Variants in KHDRBS2 observed in about 807,000 individuals in gnomAD.
KHDRBS2 encodes KH domain-containing, RNA-binding, signal transduction-associated protein 2.
A neutral mutation model predicts 44.3 loss-of-function variants in KHDRBS2; 26 were observed. The observed-to-expected ratio is 0.59, with a 90% CI of 0.43 to 0.81. KHDRBS2 has a LOEUF of 0.81. Ranked by LOEUF, KHDRBS2 falls within the 40% of genes least tolerant of loss-of-function variation. The pLI, the probability that KHDRBS2 is intolerant of heterozygous loss-of-function variation, is 0.00. For missense variants in KHDRBS2, 476 were observed against 433.1 expected, an observed-to-expected ratio of 1.10 and a Z score of -0.88; for synonymous variants, 194 against 151.1, an observed-to-expected ratio of 1.28 and a Z score of -2.08.
intron 4 of KHDRBS2, among the ~76,000 whole-genome samples, chr6:61,944,195 G>T (rs984804800): frequency 2.0e-5 from 3 of 152,050 alleles, no homozygotes; most frequent in Non-Finnish European, 4.4e-5. Context: ...TTATATCAAA[G>T]GAATATCTGA....
chr6:61,603,315 C>T, the KHDRBS2 span, among the ~76,000 whole-genome samples: 1 of 152,118 alleles, frequency 6.6e-6, no homozygotes, highest in African/African-American at 2.4e-5. Context: ...CCCTCAATAC[C>T]TCCCTCCACA....
At chr6:62,222,627 T>G (rs1422979776) in intron 1 of KHDRBS2, among the ~76,000 whole-genome samples, 44 of 152,104 alleles carry the variant, frequency 2.9e-4, no homozygotes, top group Admixed American at 2.8e-3. Context: ...CCAAACCATA[T>G]CATACCTCCC....
chr6:62,224,531 G>A (rs1488743490), intron 1 of KHDRBS2, among the ~76,000 whole-genome samples: 2 of 152,178 alleles, frequency 1.3e-5, no homozygotes, highest in Non-Finnish European at 2.9e-5. Context: ...CACTGGTTAT[G>A]TAGGACTTAA....
At chr6:61,954,831 C>CT (rs1562513495) in intron 4 of KHDRBS2, among the ~76,000 whole-genome samples, 1 of 52,188 alleles carries the variant, frequency 1.9e-5, no homozygotes, top group Admixed American at 2.2e-4. Context: ...TATACACATG[C>CT]ATATGTATGT....
chr6:61,564,680 G>A, the KHDRBS2 span, among the ~76,000 whole-genome samples: 1 of 152,056 alleles, frequency 6.6e-6, no homozygotes, highest in Non-Finnish European at 1.5e-5. Context: ...TTAAGGACAG[G>A]GAGGCTGTGG....
At chr6:61,878,781 T>G (rs1299353239) in intron 6 of KHDRBS2, among the ~76,000 whole-genome samples, 2 of 152,150 alleles carry the variant, frequency 1.3e-5, no homozygotes, top group African/African-American at 4.8e-5. Context: ...CTATGACCAC[T>G]GGCTCTGCCA....
chr6:61,887,158 G>T (rs1157762390), intron 6 of KHDRBS2, among the ~76,000 whole-genome samples: 1 of 151,824 alleles, frequency 6.6e-6, no homozygotes, highest in African/African-American at 2.4e-5. Flanking sequence ...TCAAGCTTCA[G>T]TTTCTTTACC....
At chr6:62,021,142 C>T (rs1037538657) in intron 3 of KHDRBS2, among the ~76,000 whole-genome samples, 1 of 151,940 alleles carries the variant, frequency 6.6e-6, no homozygotes, top group African/African-American at 2.4e-5. Flanking sequence ...AATCCAAATA[C>T]CGCCTATTCC....
chr6:61,882,356 C>T (rs1372746147), intron 6 of KHDRBS2, among the ~76,000 whole-genome samples: 1 of 151,822 alleles, frequency 6.6e-6, no homozygotes, highest in African/African-American at 2.4e-5. Flanking sequence ...GTTTATAAGT[C>T]AGAGGTACTG....
At chr6:61,954,373 ATGTATG>A in intron 4 of KHDRBS2, among the ~76,000 whole-genome samples, 2 of 82,028 alleles carry the variant, frequency 2.4e-5, no homozygotes, top group Admixed American at 1.4e-4. Flanking sequence ...ATATATACGT[ATGTATG>A]CATGCATACA....
intron 8 of KHDRBS2, among the ~76,000 whole-genome samples, chr6:61,689,445 GAATTTTGTGGA>G (rs1767158545): frequency 6.6e-6 from 1 of 151,964 alleles, no homozygotes; most frequent in Admixed American, 6.6e-5. Flanking sequence ...GTATGAAGTA[GAATTTTGTGGA>G]AATTTTGTGG....
At chr6:61,936,245 C>A (rs541332153) in intron 4 of KHDRBS2, among the ~76,000 whole-genome samples, 71 of 151,976 alleles carry the variant, frequency 4.7e-4, no homozygotes, top group African/African-American at 1.7e-3. Flanking sequence ...CATTTTCTTT[C>A]TTTTTTTATT....
At chr6:61,964,270 A>T (rs1338895706) in intron 4 of KHDRBS2, among the ~76,000 whole-genome samples, 1 of 152,056 alleles carries the variant, frequency 6.6e-6, no homozygotes, top group Admixed American at 6.6e-5. Context: ...TAATGAAAAA[A>T]TTCAGTTAAA....
the KHDRBS2 span, among the ~76,000 whole-genome samples, chr6:61,638,898 G>A: frequency 1.3e-5 from 2 of 152,116 alleles, no homozygotes; most frequent in South Asian, 4.1e-4. Context: ...AGTTGTTGTT[G>A]TTGTCTTAAT....
At chr6:62,003,275 T>C (rs555671272) in intron 3 of KHDRBS2, among the ~76,000 whole-genome samples, 2 of 152,030 alleles carry the variant, frequency 1.3e-5, no homozygotes, top group East Asian at 3.9e-4. Flanking sequence ...TGAGACCCTG[T>C]CTTTCAAAAA....
At chr6:61,895,420 AC>A (rs2127334867) in intron 5 of KHDRBS2, among the ~76,000 whole-genome samples, 1 of 152,348 alleles carries the variant, frequency 6.6e-6, no homozygotes, top group Non-Finnish European at 1.5e-5. Context: ...ACTTGAAATC[AC>A]AACTCTTTGT....
chr6:61,993,993 A>G (rs1489031520), intron 3 of KHDRBS2, among the ~76,000 whole-genome samples: 2 of 152,096 alleles, frequency 1.3e-5, no homozygotes, highest in Non-Finnish European at 2.9e-5. Context: ...ACAAAATAGA[A>G]AGTAAAGTCA....
At chr6:62,060,024 G>A (rs1791363304) in intron 2 of KHDRBS2, among the ~76,000 whole-genome samples, 1 of 151,828 alleles carries the variant, frequency 6.6e-6, no homozygotes, top group African/African-American at 2.4e-5. Context: ...CCCTGGAAAG[G>A]AAGCATTTCT....
chr6:62,139,175 C>T (rs1289456760), intron 2 of KHDRBS2, among the ~76,000 whole-genome samples: 1 of 151,916 alleles, frequency 6.6e-6, no homozygotes, highest in Non-Finnish European at 1.5e-5. Flanking sequence ...AAATTGTTCC[C>T]TAGATGCCAA....
Sources: gnomAD v4.1 joint callset for allele counts (sites outside exome capture counted in the v4.1 genomes callset) on GRCh38, gnomAD v4.1.1 for gene constraint, MANE v1.5 for transcripts, NCBI Gene and HGNC (gene_info 2026-07-23, HGNC 2026-07-21) for gene names.